Variants in GPC5 observed in about 807,000 individuals in gnomAD.
The protein encoded by GPC5 is glypican-5.
GPC5 carries 47 observed loss-of-function variants against 53.9 expected under a neutral mutation model. The observed-to-expected ratio is 0.87, with a 90% CI of 0.69 to 1.11. GPC5 has a LOEUF of 1.11. Ranked by LOEUF, GPC5 falls within the 50% of genes most tolerant of loss-of-function variation. The pLI is 0.00. For synonymous variants in GPC5, 286 were observed against 263.3 expected, an observed-to-expected ratio of 1.09 and a Z score of -0.84; for missense variants, 748 against 713.1, an observed-to-expected ratio of 1.05 and a Z score of -0.56.
intron 7 of GPC5, among the ~76,000 whole-genome samples, chr13:92,640,149 T>C (rs1885543410): frequency 6.8e-6 from 1 of 146,820 alleles, no homozygotes; most frequent in Non-Finnish European, 1.5e-5. Flanking sequence ...TACACGTGTG[T>C]ATGTATGTGT....
intron 7 of GPC5, among the ~76,000 whole-genome samples, chr13:92,740,415 G>A (rs1889052455): frequency 6.6e-6 from 1 of 151,988 alleles, no homozygotes. Context: ...AGGTGAGTTG[G>A]GCTTGGCAGA....
chr13:91,986,744 T>C (rs1210403164), intron 6 of GPC5, among the ~76,000 whole-genome samples: 4 of 152,268 alleles, frequency 2.6e-5, no homozygotes, highest in Non-Finnish European at 4.4e-5. Flanking sequence ...TTATATGTTC[T>C]CAATGAAATA....
At chr13:92,216,988 A>G (rs1259513390) in intron 7 of GPC5, among the ~76,000 whole-genome samples, 3 of 151,796 alleles carry the variant, frequency 2.0e-5, no homozygotes, top group African/African-American at 7.3e-5. Flanking sequence ...CAAAAAAAAA[A>G]AAAAAAAAAA....
At chr13:91,436,352 C>T (rs1238804514) in intron 1 of GPC5, among the ~76,000 whole-genome samples, 1 of 151,572 alleles carries the variant, frequency 6.6e-6, no homozygotes, top group African/African-American at 2.4e-5. Flanking sequence ...CTACACACTG[C>T]TTTGAATGTG....
chr13:92,201,499 T>A (rs7987741), intron 7 of GPC5, among the ~76,000 whole-genome samples: 126,776 of 152,220 alleles, frequency 0.83, 53,072 homozygotes, highest in East Asian at 0.99. Flanking sequence ...ACAGAAAGTT[T>A]CTAGAACACA....
At chr13:92,333,072 C>A (rs1296757331) in intron 7 of GPC5, among the ~76,000 whole-genome samples, 2 of 152,104 alleles carry the variant, frequency 1.3e-5, no homozygotes, top group African/African-American at 2.4e-5. Context: ...AAAACCTTGG[C>A]AGGAATGAGT....
intron 7 of GPC5, among the ~76,000 whole-genome samples, chr13:92,256,404 T>C (rs1194421864): frequency 1.3e-5 from 2 of 151,954 alleles, no homozygotes; most frequent in Non-Finnish European, 2.9e-5. Context: ...CATAGCCAAA[T>C]TCCTCAAAGG....
intron 7 of GPC5, among the ~76,000 whole-genome samples, chr13:92,461,358 T>C (rs532365205): frequency 5.3e-5 from 8 of 152,314 alleles, no homozygotes; most frequent in African/African-American, 1.9e-4. Context: ...CATGGAGCTT[T>C]TGTGTAGCTG....
intron 5 of GPC5, among the ~76,000 whole-genome samples, chr13:91,789,549 T>G (rs1349690109): frequency 6.6e-6 from 1 of 152,210 alleles, no homozygotes; most frequent in Non-Finnish European, 1.5e-5. Flanking sequence ...TAAAATCTTT[T>G]TCTTTATCCC....
chr13:91,534,284 T>C (rs2138685758), intron 2 of GPC5, among the ~76,000 whole-genome samples: 1 of 152,364 alleles, frequency 6.6e-6, no homozygotes, highest in East Asian at 1.9e-4. Context: ...TACATATATA[T>C]ATAGTAACAA....
intron 5 of GPC5, among the ~76,000 whole-genome samples, chr13:91,771,081 G>T (rs481064): frequency 6.6e-6 from 1 of 151,918 alleles, no homozygotes; most frequent in South Asian, 2.1e-4. Flanking sequence ...CTCACAAAAG[G>T]TCACCCTGCC....
chr13:91,834,273 A>G (rs1419431347), intron 5 of GPC5, among the ~76,000 whole-genome samples: 1 of 152,210 alleles, frequency 6.6e-6, no homozygotes, highest in Non-Finnish European at 1.5e-5. Context: ...AATATATTCC[A>G]TGCTCATGGA....
chr13:92,537,690 G>A (rs759222806), intron 7 of GPC5, among the ~76,000 whole-genome samples: 1 of 152,000 alleles, frequency 6.6e-6, no homozygotes, highest in Non-Finnish European at 1.5e-5. Flanking sequence ...TCAAAATCCT[G>A]CCAGCCTTAG....
chr13:91,515,846 G>T (rs1193453595), intron 2 of GPC5, among the ~76,000 whole-genome samples: 3 of 152,116 alleles, frequency 2.0e-5, no homozygotes. Context: ...GGTTTAATTG[G>T]ACTTACAGTT....
intron 7 of GPC5, among the ~76,000 whole-genome samples, chr13:92,477,349 G>C (rs778208189): frequency 1.3e-5 from 2 of 152,100 alleles, no homozygotes; most frequent in African/African-American, 2.4e-5. Context: ...CAAGAACTGA[G>C]CTCAATACTT....
chr13:92,134,936 C>A (rs2041771713), intron 6 of GPC5, among the ~76,000 whole-genome samples: 2 of 152,060 alleles, frequency 1.3e-5, no homozygotes, highest in Admixed American at 1.3e-4. Context: ...AATTCTTATG[C>A]ATCACATACT....
intron 7 of GPC5, among the ~76,000 whole-genome samples, chr13:92,389,685 A>G (rs754779020): frequency 1.3e-5 from 2 of 152,160 alleles, no homozygotes; most frequent in Non-Finnish European, 2.9e-5. Flanking sequence ...GAAAAGCCCA[A>G]TTAATAGACA....
At chr13:91,759,725 C>A (rs190093572) in intron 5 of GPC5, among the ~76,000 whole-genome samples, 1 of 151,886 alleles carries the variant, frequency 6.6e-6, no homozygotes, top group Admixed American at 6.6e-5. Flanking sequence ...TTCTCAATGC[C>A]AACTCAATGG....
At chr13:92,816,881 T>A (rs937113329) in intron 7 of GPC5, among the ~76,000 whole-genome samples, 3 of 151,958 alleles carry the variant, frequency 2.0e-5, no homozygotes, top group Admixed American at 2.0e-4. Flanking sequence ...TTTCCACAGA[T>A]AATTGACCCT....
Sources: allele counts gnomAD v4.1 joint callset (sites outside exome capture counted in the v4.1 genomes callset), GRCh38; gene constraint gnomAD v4.1.1; transcripts MANE v1.5; gene names NCBI Gene and HGNC (gene_info 2026-07-23, HGNC 2026-07-21).